Variants in MYO7A observed in about 807,000 individuals in gnomAD.
MYO7A encodes unconventional myosin-VIIa.
Under a neutral mutation model 263.8 loss-of-function variants are expected in MYO7A, and 210 were observed. The ratio of observed to expected loss-of-function variants is 0.80; its 90% CI spans 0.71 to 0.89. The LOEUF is 0.89. MYO7A is among the 40% of genes least tolerant of loss of function. The probability of loss-of-function intolerance (pLI) is 0.00; values close to 1 mark genes in which losing one functional copy is unlikely to be tolerated. For missense variants in MYO7A, 2,820 were observed against 2,968.3 expected (o/e 0.95, Z 1.16); for synonymous variants, 1,239 against 1,197.3 (o/e 1.03, Z -0.72).
At chr11:77,179,220 C>A in intron 20 of MYO7A, 91 bp downstream of exon 20, 1 of 1,176,640 alleles carries the variant, frequency 8.5e-7, no homozygotes, top group Non-Finnish European at 1.2e-6. Flanking sequence ...ACCCAGGCAG[C>A]ACAGCCTGGC....
At chr11:77,178,054 A>T (rs925373486) in intron 19 of MYO7A, among the ~76,000 whole-genome samples, 1 of 151,824 alleles carries the variant, frequency 6.6e-6, no homozygotes, top group Non-Finnish European at 1.5e-5. Context: ...ACAAATGTGC[A>T]GGACTGACTC....
chr11:77,165,361 C>T (rs1445560902), intron 14 of MYO7A, among the ~76,000 whole-genome samples: 3 of 152,188 alleles, frequency 2.0e-5, no homozygotes, highest in African/African-American at 7.2e-5. Context: ...TCCAACTCCT[C>T]GGTCCCTGTG....
intron 33 of MYO7A, 30 bp from the exon 34 acceptor site, chr11:77,198,465 C>T (rs752713337): frequency 1.2e-6 from 2 of 1,608,880 alleles, no homozygotes; most frequent in Non-Finnish European, 1.7e-6. Flanking sequence ...TGTGGGAGGC[C>T]TGCCTCTCAG....
At chr11:77,171,771 T>G (rs1162507976) in intron 15 of MYO7A, among the ~76,000 whole-genome samples, 1 of 152,198 alleles carries the variant, frequency 6.6e-6, no homozygotes, top group Non-Finnish European at 1.5e-5. Context: ...TCAAGATGCT[T>G]TGGAACAAAA....
At chr11:77,155,150 G>A (rs1191470038) in intron 4 of MYO7A, among the ~76,000 whole-genome samples, 1 of 152,180 alleles carries the variant, frequency 6.6e-6, no homozygotes, top group Non-Finnish European at 1.5e-5. Flanking sequence ...CTGCTCTGGT[G>A]GCAGAAGGGC....
At chr11:77,189,323 C>T in intron 27 of MYO7A, 21 bp from the exon 28 acceptor site, 4 of 1,612,388 alleles carry the variant, frequency 2.5e-6, no homozygotes, top group Non-Finnish European at 3.4e-6. Flanking sequence ...TTCCCCCTCC[C>T]TTGCCCTGCT....
chr11:77,179,910 G>A lies in MYO7A; in HGVS notation c.2543G>A (p.Arg848Gln), dbSNP rs1555082917. The A allele has an allele frequency of 3.3e-6, 5 of 1,535,536 alleles. No homozygotes were observed. Among genetic ancestry groups the A allele is most frequent in the Non-Finnish European group, 4.4e-6 (5 of 1,143,850 alleles). The stretch of plus-strand genomic sequence containing the variant: ...GTGCTCACCGTGCAGGCCTATGCCC[G>A]GGGCATGATCGCCCGCAGGCTGCAC... The part of the protein sequence containing the change: ...WAVLTVQAYA[R>Q]GMIARRLHQR... Residue 848 changes from arginine (R) to glutamine (Q), a missense_variant, in exon 21 of 49, where the codon CGG (arginine) becomes CAG (glutamine). By Grantham distance (43) the Arg-to-Gln change is conservative (BLOSUM62 1). Coordinates refer to ENST00000409709, the MANE Select transcript of MYO7A (RefSeq NM_000260.4).
chr11:77,162,933 T>A lies in MYO7A; in HGVS notation c.1635T>A (p.His545Gln). 1 of 1,613,650 alleles carries A rather than the reference T, an allele frequency of 6.2e-7. No homozygotes were observed. Among genetic ancestry groups the A allele is most frequent in the Non-Finnish European group, 8.5e-7 (1 of 1,179,810 alleles). The change falls in exon 14 of 49, where the codon CAT becomes CAA. Residue 545 changes from histidine (H) to glutamine (Q), a missense_variant. Transcript: ENST00000409709. ...ACTACATCCCCCCCAAGAACAACCA[T>A]GAGACCCAGTTTGGCATCAACCATT... ...NANYIPPKNN[H>Q]ETQFGINHFA... is the part of the protein sequence containing the mutation.
At chr11:77,158,251 C>A (rs782323145) in intron 8 of MYO7A, 26 bp from the exon 9 acceptor site, 50 of 1,562,738 alleles carry the variant, frequency 3.2e-5, no homozygotes, top group Non-Finnish European at 4.2e-5. Flanking sequence ...TCCTCTTGCA[C>A]CCCACTCTCC....
chr11:77,132,941 C>G (rs1409113934), intron 2 of MYO7A, among the ~76,000 whole-genome samples: 1 of 152,190 alleles, frequency 6.6e-6, no homozygotes, highest in African/African-American at 2.4e-5. Context: ...TCCCGGGGCT[C>G]GGGTTCTTTT....
At chr11:77,133,072 C>T (rs1950812496) in intron 2 of MYO7A, among the ~76,000 whole-genome samples, 1 of 152,150 alleles carries the variant, frequency 6.6e-6, no homozygotes, top group Non-Finnish European at 1.5e-5. Context: ...GCTTAGAAAC[C>T]TAGGAAAGGC....
In MYO7A at chr11:77,158,265, C is replaced by T. The variant is rs1555065469; in HGVS notation, c.850-12C>T. The T allele has an allele frequency of 1.9e-6, 3 of 1,584,978 alleles. No homozygotes were observed. The highest frequency in any genetic ancestry group is 2.6e-6 in the Non-Finnish European group (3 of 1,159,980). On this transcript the variant is annotated splice_polypyrimidine_tract_variant and intron_variant, in intron 8 of 48. Transcript: ENST00000409709. ...GTCCTCTTGCACCCCACTCTCCCACCCTGCCCACCAGGGTAACTGCATAAC... is the reference window on the plus strand; with the variant it reads ...GTCCTCTTGCACCCCACTCTCCCACTCTGCCCACCAGGGTAACTGCATAAC...
rs1350270733 is a variant in MYO7A, at chr11:77,201,609, A to G, written c.5014A>G (p.Thr1672Ala). The stretch of plus-strand genomic sequence containing the variant: ...CACCGACAGTGTGTACGTCATGCCC[A>G]CTGTCACCATGCCACCGCGGGAGAT... ...FPTDSVYVMPTVTMPPREIVA... is the reference protein window; with the variant it reads ...FPTDSVYVMPAVTMPPREIVA... Residue 1672 changes from threonine (T) to alanine (A), a missense_variant, in exon 36 of 49, where the codon ACT becomes GCT. By Grantham distance (58) the Thr-to-Ala change is moderately conservative. Transcript: ENST00000409709. 6.2e-7 allele frequency: 1 copy of G among 1,613,644 alleles called. No individual in the cohort carries two copies. The highest frequency in any genetic ancestry group is 1.7e-5 in the Admixed American group (1 of 59,990).
intron 2 of MYO7A, among the ~76,000 whole-genome samples, chr11:77,136,633 A>G (rs1193176923): frequency 1.3e-5 from 2 of 152,122 alleles, no homozygotes; most frequent in African/African-American, 4.8e-5. Context: ...ACTCATATAC[A>G]TTTGGTCTAA....
chr11:77,200,402 G>A (rs1048417810), intron 35 of MYO7A, among the ~76,000 whole-genome samples: 4 of 152,206 alleles, frequency 2.6e-5, no homozygotes, highest in African/African-American at 9.6e-5. Flanking sequence ...GAAGAGAGCA[G>A]GGGGTGCCAG....
rs191526672 is a variant in MYO7A at position 77,190,980 on chromosome 11, G to T, written c.3924+110G>T. ...GGGCTATTCACCCTTGAGCACCTCG[G>T]TTTCCCCCTGAGCCTGTGCTAATTG... On this transcript the variant is annotated intron_variant, in intron 30 of 48. Transcript: ENST00000409709. 55 of 1,216,632 alleles carry T rather than the reference G, an allele frequency of 4.5e-5. No individual in the cohort carries two copies. The Admixed American group carries it at 5.2e-4, about 11-fold the overall frequency. 75.4% of individuals were successfully genotyped at this position (1,216,632 alleles called of 1,614,324 possible). A position where few individuals can be genotyped will look rare whatever the true frequency, so the allele number is the denominator to read the frequency against.
chr11:77,202,641 C>G lies in MYO7A; in HGVS notation c.5168+217C>G, dbSNP rs924022222. Among the ~76,000 whole-genome samples, 3 of 152,060 alleles carry G rather than the reference C, an allele frequency of 2.0e-5. No homozygotes were observed. In the East Asian group the frequency reaches 5.8e-4, roughly 29 times the overall value. The stretch of plus-strand genomic sequence containing the variant: ...TCAAGAGATGTCACTGCACCCACCC[C>G]AGGCTGGGCATTCGAGACTGAGTCC... On this transcript the variant is annotated intron_variant, in intron 37 of 48. Coordinates refer to ENST00000409709, the MANE Select transcript of MYO7A (RefSeq NM_000260.4).
At chr11:77,208,643 T>G in intron 43 of MYO7A, 54 bp from the exon 44 acceptor site, 1 of 1,510,042 alleles carries the variant, frequency 6.6e-7, no homozygotes, top group Non-Finnish European at 9.0e-7. Context: ...GCTCGGGACG[T>G]GAGCACTCCT....
chr11:77,187,661 G>A (rs764153196), intron 27 of MYO7A, among the ~76,000 whole-genome samples: 1 of 152,164 alleles, frequency 6.6e-6, no homozygotes, highest in Non-Finnish European at 1.5e-5. Context: ...GAAGACCCAG[G>A]AGTCACCAGG....
Sources: allele counts gnomAD v4.1 joint callset (sites outside exome capture counted in the v4.1 genomes callset), GRCh38; gene constraint gnomAD v4.1.1; transcripts MANE v1.5; gene names NCBI Gene and HGNC (gene_info 2026-07-23, HGNC 2026-07-21).